PCDHGB1: variants seen among roughly 807,000 people sequenced by gnomAD.
PCDHGB1 encodes protocadherin gamma subfamily B, 1.
Under a neutral mutation model 56.6 loss-of-function variants are expected in PCDHGB1, and 34 were observed. The ratio of observed to expected loss-of-function variants is 0.60; its 90% confidence interval spans 0.46 to 0.80. PCDHGB1 has a LOEUF of 0.80. Among genes scored for constraint, PCDHGB1 ranks in the 30% least tolerant of loss-of-function variants. The pLI is 0.00. For synonymous variants in PCDHGB1, 561 were observed against 505.9 expected (o/e 1.11, Z -1.46); for missense variants, 1,278 against 1,204.6 (o/e 1.06, Z -0.90).
rs765690531 is a variant in PCDHGB1, at chr5:141,404,329, C to T, written c.2409+51660C>T. 6.8e-5 allele frequency: 110 copies of T among 1,613,772 alleles called. No homozygotes were observed. The East Asian group carries it at 2.4e-3, about 36-fold the overall frequency. On this transcript the variant is annotated intron_variant, in intron 1 of 3. Coordinates refer to ENST00000523390, the MANE Select transcript of PCDHGB1 (RefSeq NM_018922.3). ...CTTTCTCTCAAGCCTCCTACTCAGTCTACCTCCCGGAAAACAACGCCAGAG... is the reference window on the plus strand; with the variant it reads ...CTTTCTCTCAAGCCTCCTACTCAGTTTACCTCCCGGAAAACAACGCCAGAG...
intron 1 of PCDHGB1, among the ~76,000 whole-genome samples, chr5:141,435,011 A>G (rs2097737147): frequency 6.6e-6 from 1 of 152,126 alleles, no homozygotes; most frequent in African/African-American, 2.4e-5. Flanking sequence ...TTTATCAATG[A>G]TAATGCTCTT....
chr5:141,387,978 C>T, intron 1 of PCDHGB1: 1 of 1,487,640 alleles, frequency 6.7e-7, no homozygotes, highest in Non-Finnish European at 9.1e-7. Flanking sequence ...GCTCTGTGAG[C>T]AGATCCGCTA....
chr5:141,388,742 G>A (rs1340234849), intron 1 of PCDHGB1: 12 of 1,614,004 alleles, frequency 7.4e-6, no homozygotes, highest in Non-Finnish European at 1.0e-5. Flanking sequence ...AAGCTAGCCA[G>A]ATCACCCAAT....
intron 1 of PCDHGB1, chr5:141,419,932 C>T: frequency 6.2e-7 from 1 of 1,614,090 alleles, no homozygotes; most frequent in Non-Finnish European, 8.5e-7. Flanking sequence ...TGCAGTTTTA[C>T]CTGGTGGTGG....
intron 1 of PCDHGB1, chr5:141,398,831 C>T: frequency 6.2e-7 from 1 of 1,614,014 alleles, no homozygotes; most frequent in South Asian, 1.1e-5. Context: ...GTAACCGACG[C>T]CAATGATAAT....
At chr5:141,410,683 A>G (rs775289402) in intron 1 of PCDHGB1, 2 of 1,528,162 alleles carry the variant, frequency 1.3e-6, no homozygotes. Flanking sequence ...TATTTTAGGC[A>G]TACTACTTTA....
chr5:141,400,543 T>C (rs2094038969), intron 1 of PCDHGB1: 1 of 1,613,794 alleles, frequency 6.2e-7, no homozygotes. Flanking sequence ...CATTTATGTC[T>C]ATTCTTTTTC....
chr5:141,417,641 C>G (rs1266850894), intron 1 of PCDHGB1: 12 of 779,426 alleles, frequency 1.5e-5, no homozygotes, highest in Non-Finnish European at 2.1e-5. Context: ...CCGGGGATCC[C>G]TCAGCCTCTA....
At position 141,389,685 on chromosome 5, in the gene PCDHGB1, TG is replaced by T. The variant is rs1303219922; in HGVS notation, c.2409+37018del. 1.8e-5 allele frequency: 29 copies of T among 1,612,354 alleles called. No homozygotes were observed. In the East Asian group the frequency reaches 6.2e-4, roughly 35 times the overall value. On this transcript the variant is annotated intron_variant, in intron 1 of 3. Coordinates refer to ENST00000523390, the MANE Select transcript of PCDHGB1 (RefSeq NM_018922.3). ...GGACGCAGACTCAGGACACAACGCC[TG>T]GCTGTCCTACCACGTGCTGCAGGCT...
intron 1 of PCDHGB1, chr5:141,365,422 T>G: frequency 6.2e-7 from 1 of 1,614,032 alleles, no homozygotes; most frequent in Non-Finnish European, 8.5e-7. Context: ...TTCCCGGAAC[T>G]GTAATCGCGC....
chr5:141,504,474 G>A (rs903417314), intron 2 of PCDHGB1, among the ~76,000 whole-genome samples: 1 of 152,066 alleles, frequency 6.6e-6, no homozygotes, highest in African/African-American at 2.4e-5. Context: ...TGGGATGGGA[G>A]TACAGTGGAG....
intron 1 of PCDHGB1, chr5:141,392,779 T>A: frequency 6.5e-7 from 1 of 1,534,720 alleles, no homozygotes; most frequent in Non-Finnish European, 8.8e-7. Flanking sequence ...TTATGCACAG[T>A]GAAGATTCTG....
At chr5:141,420,268 T>C (rs375162019) in intron 1 of PCDHGB1, 254 of 1,543,666 alleles carry the variant, frequency 1.6e-4, no homozygotes, top group Non-Finnish European at 2.1e-4. Context: ...AGAAGATTCT[T>C]AAACAGGTAA....
In PCDHGB1 at chr5:141,383,778, T is replaced by C. The variant is rs764919264; in HGVS notation, c.2409+31109T>C. 5 of 1,613,886 alleles carry C rather than the reference T, an allele frequency of 3.1e-6. No individual in the cohort carries two copies. In the African/African-American group the frequency reaches 6.7e-5, roughly 22 times the overall value. ...CTCCTAAACTTCCAAAGATGTTTCA[T>C]CTGAACTCGCTTACAGGAGAAATAT... On this transcript the variant is annotated intron_variant, in intron 1 of 3. Coordinates refer to ENST00000523390, the MANE Select transcript of PCDHGB1 (RefSeq NM_018922.3).
intron 1 of PCDHGB1, chr5:141,427,469 C>A: frequency 2.0e-6 from 1 of 510,092 alleles, no homozygotes; most frequent in Non-Finnish European, 3.8e-6. Flanking sequence ...TCGAATCTTC[C>A]GCCAATAATG....
At chr5:141,456,936 C>G (rs1012944904) in intron 1 of PCDHGB1, among the ~76,000 whole-genome samples, 20 of 152,190 alleles carry the variant, frequency 1.3e-4, no homozygotes, top group African/African-American at 4.3e-4. Context: ...GCACTCCAGC[C>G]TGGGCAACAG....
chr5:141,483,009 C>T (rs538900128), intron 1 of PCDHGB1, among the ~76,000 whole-genome samples: 4 of 151,942 alleles, frequency 2.6e-5, no homozygotes, highest in Non-Finnish European at 5.9e-5. Flanking sequence ...TGCTTGAACC[C>T]GGGAGGCAGA....
intron 1 of PCDHGB1, among the ~76,000 whole-genome samples, chr5:141,425,305 AC>A (rs1239206853): frequency 1.3e-5 from 2 of 152,202 alleles, no homozygotes; most frequent in Non-Finnish European, 2.9e-5. Flanking sequence ...ATCTAAACTA[AC>A]TTCCCAAGAT....
At chr5:141,357,458 A>G (rs372570425) in intron 1 of PCDHGB1, 26 of 1,614,062 alleles carry the variant, frequency 1.6e-5, no homozygotes, top group African/African-American at 6.7e-5. Flanking sequence ...CTGCAGACCT[A>G]TTCCCACGAG....
Sources: gnomAD v4.1 joint callset for allele counts (sites outside exome capture counted in the v4.1 genomes callset) on GRCh38, gnomAD v4.1.1 for gene constraint, MANE v1.5 for transcripts, NCBI Gene and HGNC (gene_info 2026-07-23, HGNC 2026-07-21) for gene names.